Variants in RNF38 observed in about 807,000 individuals in gnomAD.
The protein encoded by RNF38 is E3 ubiquitin-protein ligase RNF38.
A neutral mutation model predicts 67.2 loss-of-function variants in RNF38; 15 were observed. The ratio of observed to expected loss-of-function variants is 0.22; its 90% CI spans 0.15 to 0.34. RNF38 has a LOEUF of 0.34. RNF38 is among the 10% of genes least tolerant of loss of function. RNF38 has a pLI of 1.00. For synonymous variants in RNF38, 220 were observed against 218.8 expected, an observed-to-expected ratio of 1.01 and a Z score of -0.05; for missense variants, 524 against 639.9, an observed-to-expected ratio of 0.82 and a Z score of 1.95.
At chr9:36,454,879 C>T (rs971257909) in intron 1 of RNF38, among the ~76,000 whole-genome samples, 3 of 151,996 alleles carry the variant, frequency 2.0e-5, no homozygotes, top group African/African-American at 7.2e-5. Flanking sequence ...CCACTGCACC[C>T]GACCTAATTT....
intron 4 of RNF38, among the ~76,000 whole-genome samples, chr9:36,363,097 CTATG>C (rs1419909597): frequency 1.0e-5 from 1 of 99,268 alleles, no homozygotes; most frequent in Non-Finnish European, 2.6e-5. Flanking sequence ...CCTTATCTAC[CTATG>C]TATCTATCTA....
At chr9:36,446,856 C>T (rs1839316034) in intron 1 of RNF38, among the ~76,000 whole-genome samples, 2 of 133,280 alleles carry the variant, frequency 1.5e-5, no homozygotes, top group Admixed American at 1.6e-4. Flanking sequence ...CATGGTGGCT[C>T]ATGCTTGTAA....
chr9:36,369,995 T>A, intron 3 of RNF38, 63 bp from the exon 4 acceptor site: 1 of 1,351,818 alleles, frequency 7.4e-7, no homozygotes, highest in Non-Finnish European at 1.0e-6. Context: ...TTCTGTATTG[T>A]CTTTCTTTGA....
At chr9:36,354,832 T>C (rs56134330) in intron 6 of RNF38, among the ~76,000 whole-genome samples, 8,331 of 152,324 alleles carry the variant, frequency 0.055, 330 homozygotes, top group Non-Finnish European at 0.082. Context: ...AATAGCAACA[T>C]GTTATTCAAA....
chr9:36,445,332 A>C (rs1309022431), intron 1 of RNF38, among the ~76,000 whole-genome samples: 2 of 152,368 alleles, frequency 1.3e-5, no homozygotes, highest in Non-Finnish European at 2.9e-5. Context: ...CATACAAAGT[A>C]GATTTTGTGG....
intron 1 of RNF38, among the ~76,000 whole-genome samples, chr9:36,394,179 G>A (rs1282584665): frequency 6.6e-6 from 1 of 152,166 alleles, no homozygotes. Context: ...GGAGGCTGAG[G>A]CAGGAGAATC....
Position 36,391,612 on chromosome 9 carries a change from CTTTTT to C in RNF38, c.13-1001_13-997del, listed in dbSNP as rs1158051513. Among the ~76,000 whole-genome samples, 6 of 134,640 alleles carry C rather than the reference CTTTTT, an allele frequency of 4.5e-5. No individual in the cohort carries two copies. The East Asian group carries it at 8.4e-4, about 19-fold the overall frequency. The allele number at this position is 134,640 out of a possible 152,430, so 88.3% of individuals were successfully genotyped here. A position where few individuals can be genotyped will look rare whatever the true frequency, so the allele number is the denominator to read the frequency against. On this transcript the variant is annotated intron_variant, in intron 1 of 11. Transcript: ENST00000259605. ...CCAAAAACAAAGGCATCGTTTCCTA[CTTTTT>C]TTTTTTTTTTTTTTTGAGATGGAGT...
intron 2 of RNF38, among the ~76,000 whole-genome samples, chr9:36,408,227 T>C (rs916104433): frequency 6.6e-6 from 1 of 151,840 alleles, no homozygotes. Flanking sequence ...CAGTGCTGAG[T>C]AGCTGGGACT....
In RNF38 at chr9:36,345,763, G is replaced by A. The variant is rs113175540; in HGVS notation, c.1264-810C>T. ...TTCAAATAAGGATCCAAACAAATCCGTAACTTACCATGGCCTAATATGTCT... is the reference window on the plus strand; with the variant it reads ...TTCAAATAAGGATCCAAACAAATCCATAACTTACCATGGCCTAATATGTCT... On this transcript the variant is annotated intron_variant, in intron 9 of 11. Coordinates refer to ENST00000259605, the MANE Select transcript of RNF38 (RefSeq NM_022781.5). Among the ~76,000 whole-genome samples, 390 of 152,228 alleles carry A rather than the reference G, an allele frequency of 2.6e-3. 4 individuals are homozygous for A. Among genetic ancestry groups the A allele is most frequent in the African/African-American group, 9.0e-3 (373 of 41,530 alleles).
chr9:36,383,861 G>A (rs539003931), intron 2 of RNF38, among the ~76,000 whole-genome samples: 9 of 151,928 alleles, frequency 5.9e-5, no homozygotes, highest in Middle Eastern at 6.8e-3. Flanking sequence ...ATATGCAGTG[G>A]CTGCTCAGAA....
intron 1 of RNF38, among the ~76,000 whole-genome samples, chr9:36,442,552 C>T (rs1192018465): frequency 6.6e-6 from 1 of 152,116 alleles, no homozygotes; most frequent in African/African-American, 2.4e-5. Flanking sequence ...GAGGCCGAGG[C>T]GGGCGGATCA....
At chr9:36,397,901 G>A (rs1168041746) in intron 1 of RNF38, among the ~76,000 whole-genome samples, 2 of 151,982 alleles carry the variant, frequency 1.3e-5, no homozygotes, top group Non-Finnish European at 2.9e-5. Flanking sequence ...ACACAGATGT[G>A]AAAAAATATC....
chr9:36,363,101 G>A (rs1036394988), intron 4 of RNF38, among the ~76,000 whole-genome samples: 1 of 99,176 alleles, frequency 1.0e-5, no homozygotes, highest in African/African-American at 3.0e-5. Flanking sequence ...ATCTACCTAT[G>A]TATCTATCTA....
At chr9:36,386,959 C>A (rs901769051) in intron 2 of RNF38, among the ~76,000 whole-genome samples, 1 of 152,120 alleles carries the variant, frequency 6.6e-6, no homozygotes, top group Non-Finnish European at 1.5e-5. Context: ...CGCACCACCA[C>A]GCCTGGTTAA....
Position 36,369,921 on chromosome 9 carries a change from C to G in RNF38, c.368G>C (p.Arg123Thr). 1 of 1,612,530 alleles carries G rather than the reference C, an allele frequency of 6.2e-7. No individual in the cohort carries two copies. Among genetic ancestry groups the G allele is most frequent in the South Asian group, 1.1e-5 (1 of 90,992 alleles). The change falls in exon 4 of 12, where the codon AGG (arginine) becomes ACG (threonine). Residue 123 changes from arginine (R) to threonine (T), a missense_variant. By Grantham distance (71) the Arg-to-Thr change is moderately conservative. Around this residue, in one of 2 missense-constraint regions of RNF38, gnomAD observed 461 missense variants for 517.4 expected, o/e 0.89. Coordinates refer to ENST00000259605, the MANE Select transcript of RNF38 (RefSeq NM_022781.5). Reference sequence around the variant, plus strand: ...ACGATCCCTTCTTCCTCTCTGGCGCCTGACAGGAGGACTGTGATAAATATC... The same window carrying G: ...ACGATCCCTTCTTCCTCTCTGGCGCGTGACAGGAGGACTGTGATAAATATC... ...PARNRRSPPV[R>T]RQRGRRDRLS...
intron 5 of RNF38, among the ~76,000 whole-genome samples, chr9:36,356,790 C>A (rs1304589228): frequency 6.6e-6 from 1 of 151,946 alleles, no homozygotes; most frequent in Non-Finnish European, 1.5e-5. Flanking sequence ...AGGAAACTCT[C>A]TCTAGTTGGT....
chr9:36,455,950 A>AT (rs1007945023), intron 1 of RNF38, among the ~76,000 whole-genome samples: 1 of 151,500 alleles, frequency 6.6e-6, no homozygotes, highest in Non-Finnish European at 1.5e-5. Flanking sequence ...AACTTAATTC[A>AT]TTTTTTCTTT....
chr9:36,389,850 C>T (rs1836935500), intron 2 of RNF38, among the ~76,000 whole-genome samples: 1 of 152,182 alleles, frequency 6.6e-6, no homozygotes. Context: ...GCGATACTGA[C>T]TTCCACTACT....
Position 36,339,120 on chromosome 9 carries a change from A to G in RNF38, c.*632T>C, listed in dbSNP as rs1376940125. ...TGCTTGTAATTGATGCACCCTCAGC[A>G]ATCAGTGTGCAACAGCAAACACAAG... On this transcript the variant is annotated 3_prime_UTR_variant, in exon 12 of 12. Transcript: ENST00000259605. 2 of 152,658 alleles carry G rather than the reference A, an allele frequency of 1.3e-5. No individual in the cohort carries two copies. The highest frequency in any genetic ancestry group is 4.8e-5 in the African/African-American group (2 of 41,450). 9.5% of individuals were successfully genotyped at this position (152,658 alleles called of 1,614,324 possible).
Sources: gnomAD v4.1 joint callset for allele counts (sites outside exome capture counted in the v4.1 genomes callset) on GRCh38, gnomAD v4.1.1 for gene constraint, gnomAD v4.1.1 regional missense constraint, MANE v1.5 for transcripts, NCBI Gene and HGNC (gene_info 2026-07-23, HGNC 2026-07-21) for gene names.